CALN1: variants seen among roughly 807,000 people sequenced by gnomAD.
CALN1 encodes calneuron 1.
A neutral mutation model predicts 30.6 loss-of-function variants in CALN1; 17 were observed. That is an observed-to-expected ratio of 0.56 (90% CI 0.38 to 0.83). The LOEUF is 0.83. Ranked by LOEUF, CALN1 falls within the 40% of genes least tolerant of loss-of-function variation. The pLI, the probability that CALN1 is intolerant of heterozygous loss-of-function variation, is 0.00. For missense variants in CALN1, 291 were observed against 354.9 expected (o/e 0.82, Z 1.45); for synonymous variants, 156 against 131.4 (o/e 1.19, Z -1.28).
chr7:72,347,853 G>A (rs1802726300), intron 2 of CALN1, among the ~76,000 whole-genome samples: 1 of 152,164 alleles, frequency 6.6e-6, no homozygotes, highest in Non-Finnish European at 1.5e-5. Flanking sequence ...TGGCAGTAGG[G>A]CGAGGTGGCT....
intron 4 of CALN1, among the ~76,000 whole-genome samples, chr7:72,092,124 T>G (rs1479344753): frequency 1.3e-5 from 2 of 152,238 alleles, no homozygotes; most frequent in African/African-American, 4.8e-5. Flanking sequence ...CCTTCTTAAT[T>G]AAATATGCTA....
intron 2 of CALN1, among the ~76,000 whole-genome samples, chr7:72,357,920 T>G (rs1803336245): frequency 6.6e-6 from 1 of 150,612 alleles, no homozygotes; most frequent in African/African-American, 2.4e-5. Context: ...TTCTCTTGCA[T>G]CAGCCTCCTG....
intron 4 of CALN1, among the ~76,000 whole-genome samples, chr7:72,045,902 G>A (rs1458914130): frequency 6.6e-6 from 1 of 150,758 alleles, no homozygotes; most frequent in Non-Finnish European, 1.5e-5. Context: ...GGGAGGCTAA[G>A]GCAGAAGAAT....
chr7:71,806,652 T>C (rs997664185), intron 6 of CALN1, among the ~76,000 whole-genome samples: 2 of 152,130 alleles, frequency 1.3e-5, no homozygotes, highest in African/African-American at 4.8e-5. Context: ...AAACATTAAG[T>C]TTTCCCTTTG....
chr7:72,302,966 C>G (rs1799394705), intron 2 of CALN1, among the ~76,000 whole-genome samples: 1 of 146,076 alleles, frequency 6.8e-6, no homozygotes, highest in African/African-American at 2.5e-5. Flanking sequence ...CCAGTTACCA[C>G]AGAGACTGAG....
intron 3 of CALN1, among the ~76,000 whole-genome samples, chr7:72,273,512 T>C (rs1361550629): frequency 8.2e-6 from 1 of 121,618 alleles, no homozygotes; most frequent in African/African-American, 3.4e-5. Context: ...TTTTTTTTTT[T>C]TTTTTTTTCT....
upstream of CALN1, among the ~76,000 whole-genome samples, chr7:72,448,581 T>C (rs1808591180): frequency 6.6e-6 from 1 of 151,984 alleles, no homozygotes; most frequent in Non-Finnish European, 1.5e-5. Flanking sequence ...CCGAGATCTT[T>C]CTTTAGTCAA....
At chr7:71,830,048 T>TG (rs1789172765) in intron 5 of CALN1, among the ~76,000 whole-genome samples, 1 of 129,392 alleles carries the variant, frequency 7.7e-6, no homozygotes, top group African/African-American at 2.6e-5. Context: ...TTTTTTTTTT[T>TG]GTTCTTTTTT....
intron 5 of CALN1, among the ~76,000 whole-genome samples, chr7:72,015,433 CTTT>C (rs60001547): frequency 6.6e-5 from 9 of 136,144 alleles, no homozygotes; most frequent in Non-Finnish European, 1.2e-4. Context: ...TTCTTTCTTT[CTTT>C]TTTTTTTTTT....
At chr7:71,919,799 T>C (rs373699249) in intron 5 of CALN1, among the ~76,000 whole-genome samples, 18 of 152,308 alleles carry the variant, frequency 1.2e-4, no homozygotes, top group African/African-American at 4.1e-4. Context: ...TACAAGAATC[T>C]GGTATAAAGT....
intron 3 of CALN1, among the ~76,000 whole-genome samples, chr7:72,116,386 G>A (rs1342984037): frequency 1.3e-5 from 2 of 152,178 alleles, no homozygotes; most frequent in Non-Finnish European, 2.9e-5. Context: ...ATTTACCTAA[G>A]GGAAAAACAT....
chr7:72,026,382 T>G (rs1311233637), intron 4 of CALN1, among the ~76,000 whole-genome samples: 3 of 152,042 alleles, frequency 2.0e-5, no homozygotes, highest in Non-Finnish European at 4.4e-5. Context: ...GGTCAGGAGT[T>G]CGAGACCAGT....
At chr7:71,907,426 A>G (rs573317782) in intron 5 of CALN1, among the ~76,000 whole-genome samples, 1 of 152,308 alleles carries the variant, frequency 6.6e-6, no homozygotes, top group Non-Finnish European at 1.5e-5. Context: ...TGCAAAGGTC[A>G]GTGATTCTCC....
intron 1 of CALN1, among the ~76,000 whole-genome samples, chr7:72,410,181 G>A (rs1445817539): frequency 6.6e-6 from 1 of 152,136 alleles, no homozygotes; most frequent in Non-Finnish European, 1.5e-5. Flanking sequence ...CCCTGCATTT[G>A]CTGGAACATG....
At chr7:72,369,285 TA>T in intron 2 of CALN1, among the ~76,000 whole-genome samples, 1 of 148,090 alleles carries the variant, frequency 6.8e-6, no homozygotes, top group East Asian at 1.9e-4. Context: ...TATATACATA[TA>T]AAATATATAT....
At chr7:71,865,440 T>C (rs1452561972) in intron 5 of CALN1, among the ~76,000 whole-genome samples, 1 of 152,234 alleles carries the variant, frequency 6.6e-6, no homozygotes, top group Admixed American at 6.5e-5. Context: ...ATGCTTCCTG[T>C]ACAGCCTACA....
At chr7:71,870,807 C>A (rs1791878069) in intron 5 of CALN1, among the ~76,000 whole-genome samples, 1 of 152,148 alleles carries the variant, frequency 6.6e-6, no homozygotes, top group Non-Finnish European at 1.5e-5. Context: ...TTGTATTTTA[C>A]TTATTCTGAA....
At chr7:71,905,831 G>A (rs1012680464) in intron 5 of CALN1, among the ~76,000 whole-genome samples, 1 of 152,126 alleles carries the variant, frequency 6.6e-6, no homozygotes, top group Non-Finnish European at 1.5e-5. Flanking sequence ...ACCCAAGACT[G>A]GGTAATTTAT....
At chr7:72,044,619 T>G (rs1176033331) in intron 4 of CALN1, among the ~76,000 whole-genome samples, 1 of 137,406 alleles carries the variant, frequency 7.3e-6, no homozygotes, top group African/African-American at 3.0e-5. Flanking sequence ...TTTTTTTTTT[T>G]TTTTTTTTTT....
Sources: allele counts gnomAD v4.1 joint callset (sites outside exome capture counted in the v4.1 genomes callset), GRCh38; gene constraint gnomAD v4.1.1; transcripts MANE v1.5; gene names NCBI Gene and HGNC (gene_info 2026-07-23, HGNC 2026-07-21).